MAPK10: variants seen among roughly 807,000 people sequenced by gnomAD.
The protein encoded by MAPK10 is JNK3 alpha protein kinase.
In MAPK10, 25 loss-of-function variants were observed where a neutral mutation model predicts 59.3. That is an observed-to-expected ratio of 0.42 (90% CI 0.31 to 0.59). The LOEUF (loss-of-function observed/expected upper bound fraction) is 0.59, where lower values mean the gene tolerates loss of function less well. Among genes scored for constraint, MAPK10 ranks in the 20% least tolerant of loss-of-function variants. MAPK10 has a pLI of 0.15. For synonymous variants in MAPK10, 190 were observed against 200.5 expected, an observed-to-expected ratio of 0.95 and a Z score of 0.44; for missense variants, 351 against 568.9, an observed-to-expected ratio of 0.62 and a Z score of 3.90.
intron 1 of MAPK10, among the ~76,000 whole-genome samples, chr4:86,592,278 C>T (rs562688455): frequency 2.0e-5 from 3 of 152,002 alleles, no homozygotes; most frequent in African/African-American, 7.2e-5. Flanking sequence ...TATTTTAAAA[C>T]CAGTCTTTCA....
chr4:86,229,681 T>C (rs993631960), intron 2 of MAPK10, among the ~76,000 whole-genome samples: 7 of 151,774 alleles, frequency 4.6e-5, no homozygotes, highest in African/African-American at 1.7e-4. Context: ...AACTTTCTTA[T>C]TTTTTACTCT....
intron 2 of MAPK10, among the ~76,000 whole-genome samples, chr4:86,230,414 A>G (rs17011547): frequency 0.15 from 22,785 of 152,236 alleles, 1,773 homozygotes; most frequent in African/African-American, 0.19. Flanking sequence ...AGAGTATGAC[A>G]TGCCTACATA....
At chr4:86,376,366 G>T (rs1246989185) in intron 1 of MAPK10, among the ~76,000 whole-genome samples, 1 of 152,128 alleles carries the variant, frequency 6.6e-6, no homozygotes, top group Admixed American at 6.6e-5. Context: ...TACACATCAT[G>T]AAATTAAGGC....
chr4:86,165,415 T>A (rs2071294938), intron 3 of MAPK10, among the ~76,000 whole-genome samples: 3 of 152,104 alleles, frequency 2.0e-5, no homozygotes, highest in Admixed American at 2.0e-4. Flanking sequence ...TCTCGCTCTG[T>A]CATCCAGCCT....
rs573740801 is a variant in MAPK10, at chr4:86,491,900, G to C, written c.-263+102010C>G. Among the ~76,000 whole-genome samples the C allele has an allele frequency of 2.6e-4, 40 of 152,134 alleles. No homozygotes were observed. The South Asian group carries it at 5.8e-3, about 22-fold the overall frequency. ...ACATAAAGGCTAGAGACTGTGCCTAGGTATGAATTTCCTCTCCAGTTTCTA... is the reference window on the plus strand; with the variant it reads ...ACATAAAGGCTAGAGACTGTGCCTACGTATGAATTTCCTCTCCAGTTTCTA... On this transcript the variant is annotated intron_variant, in intron 1 of 4. Coordinates refer to the MAPK10 transcript ENST00000502302.
At chr4:86,480,485 G>C (rs1403465429) in intron 1 of MAPK10, among the ~76,000 whole-genome samples, 1 of 152,086 alleles carries the variant, frequency 6.6e-6, no homozygotes, top group Non-Finnish European at 1.5e-5. Context: ...CTCACACAAA[G>C]CCTGTTTGGT....
intron 8 of MAPK10, chr4:86,098,862 C>T (rs977674982): frequency 3.2e-5 from 11 of 339,126 alleles, no homozygotes; most frequent in Admixed American, 1.6e-4. Context: ...AAAGTGGTGA[C>T]ATTGGTGACT....
At chr4:86,027,461 T>C (rs1320919065) in intron 13 of MAPK10, 4 of 152,214 alleles carry the variant, frequency 2.6e-5, no homozygotes, top group Admixed American at 1.3e-4. Flanking sequence ...AACCTTTATG[T>C]GAAGCATGAA....
At chr4:86,375,985 G>T (rs1354958635) in intron 1 of MAPK10, among the ~76,000 whole-genome samples, 1 of 152,016 alleles carries the variant, frequency 6.6e-6, no homozygotes, top group Non-Finnish European at 1.5e-5. Flanking sequence ...TTGTGCTATG[G>T]TCTTTAACAT....
chr4:86,432,495 G>T (rs187688505), intron 1 of MAPK10, among the ~76,000 whole-genome samples: 17 of 152,228 alleles, frequency 1.1e-4, no homozygotes, highest in Non-Finnish European at 1.9e-4. Flanking sequence ...GGCTACGTTG[G>T]TCTCAAACAC....
intron 4 of MAPK10, among the ~76,000 whole-genome samples, chr4:86,116,731 G>A (rs1193549707): frequency 6.6e-6 from 1 of 152,148 alleles, no homozygotes; most frequent in Non-Finnish European, 1.5e-5. Context: ...ACTAAATGTG[G>A]GCAAGTCATT....
intron 4 of MAPK10, among the ~76,000 whole-genome samples, chr4:86,138,980 G>A (rs2062919600): frequency 8.7e-6 from 1 of 115,208 alleles, no homozygotes; most frequent in African/African-American, 2.5e-5. Flanking sequence ...TACAAGGGAT[G>A]TGAAGGACCT....
intron 3 of MAPK10, chr4:86,191,860 T>G (rs1430178792): frequency 3.3e-5 from 5 of 152,102 alleles, no homozygotes; most frequent in Non-Finnish European, 5.9e-5. Flanking sequence ...AGTTTCTTCA[T>G]AGTGTCGATG....
intron 1 of MAPK10, among the ~76,000 whole-genome samples, chr4:86,432,878 T>C (rs1748228113): frequency 6.6e-6 from 1 of 152,122 alleles, no homozygotes; most frequent in South Asian, 2.1e-4. Flanking sequence ...AAAGTTCTTC[T>C]GGGAAAGAGA....
intron 1 of MAPK10, among the ~76,000 whole-genome samples, chr4:86,550,874 C>G (rs1343492625): frequency 6.6e-6 from 1 of 152,210 alleles, no homozygotes; most frequent in South Asian, 2.1e-4. Context: ...CTCATCAGCA[C>G]ATGCTTCCAC....
intron 1 of MAPK10, among the ~76,000 whole-genome samples, chr4:86,445,700 C>T (rs1455271344): frequency 2.0e-5 from 3 of 151,962 alleles, no homozygotes; most frequent in African/African-American, 7.2e-5. Flanking sequence ...AGAAGCCACA[C>T]AAGCAAGAAA....
Position 86,010,913 on chromosome 4 carries a change from T to C in MAPK10, c.*6315A>G, listed in dbSNP as rs1234117005. ...GTTAAACATCGCAGACAAGATCAGG[T>C]GAAGAACATTACTAGAAGTTCAGTG... On this transcript the variant is annotated 3_prime_UTR_variant, in exon 14 of 14. Coordinates refer to ENST00000641462, the MANE Select transcript of MAPK10 (RefSeq NM_138982.4). 6.6e-6 allele frequency: 1 copy of C among 152,182 alleles called. No individual in the cohort carries two copies. Among genetic ancestry groups the C allele is most frequent in the Non-Finnish European group, 1.5e-5 (1 of 68,018 alleles). The allele number at this position is 152,182 out of a possible 1,614,324, so 9.4% of individuals were successfully genotyped here.
intron 1 of MAPK10, among the ~76,000 whole-genome samples, chr4:86,373,230 C>T (rs1240262643): frequency 1.3e-5 from 2 of 152,182 alleles, no homozygotes; most frequent in Non-Finnish European, 2.9e-5. Context: ...AACTGGACCC[C>T]TTCCTTACAC....
At chr4:86,334,090 C>G (rs1355569836) in intron 2 of MAPK10, among the ~76,000 whole-genome samples, 2 of 152,122 alleles carry the variant, frequency 1.3e-5, no homozygotes, top group Non-Finnish European at 2.9e-5. Context: ...CTGGATATTT[C>G]AAATTCAACA....
Sources: gnomAD v4.1 joint callset for allele counts (sites outside exome capture counted in the v4.1 genomes callset) on GRCh38, gnomAD v4.1.1 for gene constraint, MANE v1.5 for transcripts, NCBI Gene and HGNC (gene_info 2026-07-23, HGNC 2026-07-21) for gene names.